ELP4: variants seen among roughly 807,000 people sequenced by gnomAD.
The protein encoded by ELP4 is elongator complex protein 4.
In ELP4, 51 loss-of-function variants were observed where a neutral mutation model predicts 48.9. The ratio of observed to expected loss-of-function variants is 1.04; its 90% CI spans 0.83 to 1.32. ELP4 has a LOEUF of 1.32. Ranked by LOEUF, ELP4 falls within the 40% of genes most tolerant of loss-of-function variation. ELP4 has a pLI of 0.00. For synonymous variants in ELP4, 210 were observed against 189.2 expected, an observed-to-expected ratio of 1.11 and a Z score of -0.90; for missense variants, 519 against 514.6, an observed-to-expected ratio of 1.01 and a Z score of -0.08.
At chr11:31,769,657 C>A (rs1244496835) in intron 9 of ELP4, among the ~76,000 whole-genome samples, 1 of 152,146 alleles carries the variant, frequency 6.6e-6, no homozygotes. Context: ...ACACATTTAT[C>A]TGCTAACAGT....
chr11:31,667,479 T>C (rs1025438281), intron 9 of ELP4, among the ~76,000 whole-genome samples: 1 of 152,222 alleles, frequency 6.6e-6, no homozygotes, highest in African/African-American at 2.4e-5. Context: ...TGAAACATTC[T>C]TATATTTTTG....
intron 3 of ELP4, among the ~76,000 whole-genome samples, chr11:31,590,070 A>C (rs1957542537): frequency 6.6e-6 from 1 of 152,174 alleles, no homozygotes; most frequent in African/African-American, 2.4e-5. Flanking sequence ...CAAGTTACTT[A>C]ACTTCTTTAT....
chr11:31,681,196 A>G (rs1314118656), intron 9 of ELP4, among the ~76,000 whole-genome samples: 2 of 152,208 alleles, frequency 1.3e-5, no homozygotes. Context: ...TCTGAAATAT[A>G]TATTCAAGCT....
At chr11:31,739,703 G>C (rs188460729) in intron 9 of ELP4, among the ~76,000 whole-genome samples, 64 of 152,180 alleles carry the variant, frequency 4.2e-4, no homozygotes, top group Non-Finnish European at 3.7e-4. Flanking sequence ...CCAATAAGTA[G>C]TGATATTCAT....
In ELP4 at chr11:31,559,043, C is replaced by T. The variant is rs542548084; in HGVS notation, c.381+19260C>T. Among the ~76,000 whole-genome samples the T allele has an allele frequency of 1.2e-3, 179 of 152,140 alleles. 2 individuals are homozygous for T. Among genetic ancestry groups the T allele is most frequent in the African/African-American group, 3.9e-3 (161 of 41,526 alleles). On this transcript the variant is annotated intron_variant, in intron 3 of 9. Transcript: ENST00000640961. The stretch of plus-strand genomic sequence containing the variant: ...AAAAGAAAATACATTTTGTCAGCTC[C>T]CCAAATTAACATATTATCCCACTAA...
intron 4 of ELP4, chr11:31,598,931 T>C (rs1035950136): frequency 6.6e-6 from 1 of 152,236 alleles, no homozygotes; most frequent in African/African-American, 2.4e-5. Context: ...AAGATTACTT[T>C]ACCAGAAGTG....
chr11:31,720,742 A>C (rs1209595658), intron 9 of ELP4, among the ~76,000 whole-genome samples: 2 of 152,200 alleles, frequency 1.3e-5, no homozygotes. Flanking sequence ...ACTGTGCACA[A>C]TCCTTGCTCT....
intron 3 of ELP4, among the ~76,000 whole-genome samples, chr11:31,573,797 C>T (rs1473109397): frequency 2.7e-5 from 4 of 147,784 alleles, no homozygotes; most frequent in African/African-American, 5.0e-5. Context: ...TTTTCAAACA[C>T]CCCTTTCTCC....
intron 9 of ELP4, among the ~76,000 whole-genome samples, chr11:31,775,169 T>G (rs2134276677): frequency 6.6e-6 from 1 of 152,294 alleles, no homozygotes; most frequent in South Asian, 2.1e-4. Context: ...GCCAACAAAC[T>G]ATTAAATATG....
At chr11:31,620,400 G>C (rs1025912643) in intron 5 of ELP4, among the ~76,000 whole-genome samples, 8 of 151,932 alleles carry the variant, frequency 5.3e-5, no homozygotes, top group Non-Finnish European at 1.5e-5. Context: ...ATCTCAGCAG[G>C]GTCAAATGAT....
chr11:31,758,117 C>A (rs2134249255), intron 9 of ELP4, among the ~76,000 whole-genome samples: 1 of 152,206 alleles, frequency 6.6e-6, no homozygotes, highest in South Asian at 2.1e-4. Context: ...TGTTTATTTT[C>A]AAGTCAAACA....
At chr11:31,762,928 G>T (rs1478955151) in intron 9 of ELP4, among the ~76,000 whole-genome samples, 3 of 151,540 alleles carry the variant, frequency 2.0e-5, no homozygotes, top group African/African-American at 7.3e-5. Context: ...ATTATATATA[G>T]GAAAGTATTA....
At chr11:31,753,162 A>AT (rs1176049943) in intron 9 of ELP4, among the ~76,000 whole-genome samples, 4 of 152,212 alleles carry the variant, frequency 2.6e-5, no homozygotes, top group African/African-American at 9.7e-5. Flanking sequence ...ATAGCTAATG[A>AT]TTATTTATCA....
chr11:31,510,139 G>C (rs1329348776), intron 1 of ELP4, 132 bp downstream of exon 1: 2 of 794,208 alleles, frequency 2.5e-6, no homozygotes, highest in Non-Finnish European at 4.0e-6. Flanking sequence ...AGCCTGGTCT[G>C]ATTGAGATGG....
At chr11:31,706,167 A>T (rs1235349255) in intron 9 of ELP4, among the ~76,000 whole-genome samples, 1 of 152,122 alleles carries the variant, frequency 6.6e-6, no homozygotes, top group African/African-American at 2.4e-5. Context: ...GCACATAGTA[A>T]TGTTTTGATG....
In ELP4 at chr11:31,789,606, A is replaced by T. The variant is rs1949104984; in HGVS notation, c.*6082A>T. The T allele has an allele frequency of 3.1e-6, 2 of 649,976 alleles. No homozygotes were observed. The highest frequency in any genetic ancestry group is 2.6e-5 in the Admixed American group (1 of 38,476). 40.3% of individuals were successfully genotyped at this position (649,976 alleles called of 1,614,324 possible). A position where few individuals can be genotyped will look rare whatever the true frequency, so the allele number is the denominator to read the frequency against. On this transcript the variant is annotated 3_prime_UTR_variant, in exon 10 of 10. Transcript: ENST00000640961. ...AAAAAAAAAAACAACTTCATGACCA[A>T]CACAGATCAAACATCCATCCAGTCT... is the stretch of plus-strand genomic sequence containing the variant.
intron 2 of ELP4, among the ~76,000 whole-genome samples, chr11:31,533,716 C>T (rs562341014): frequency 1.2e-4 from 18 of 151,974 alleles, no homozygotes; most frequent in Non-Finnish European, 2.2e-4. Flanking sequence ...GAAATGAGAT[C>T]ATCAGGTTTG....
chr11:31,552,603 C>T (rs934007821), intron 3 of ELP4, among the ~76,000 whole-genome samples: 1 of 152,112 alleles, frequency 6.6e-6, no homozygotes, highest in Non-Finnish European at 1.5e-5. Context: ...ATCTCCTATA[C>T]TCTCCTTCAA....
chr11:31,656,297 G>T (rs951538940), intron 9 of ELP4, among the ~76,000 whole-genome samples: 13 of 151,988 alleles, frequency 8.6e-5, no homozygotes, highest in Non-Finnish European at 4.4e-5. Context: ...CTTAGGCAGT[G>T]TAAGTCCTGT....
Sources: allele counts gnomAD v4.1 joint callset (sites outside exome capture counted in the v4.1 genomes callset), GRCh38; gene constraint gnomAD v4.1.1; transcripts MANE v1.5; gene names NCBI Gene and HGNC (gene_info 2026-07-23, HGNC 2026-07-21).